Variants in PPL observed in about 807,000 individuals in gnomAD.
The protein encoded by PPL is 190 kDa paraneoplastic pemphigus antigen.
PPL carries 198 observed loss-of-function variants against 194.4 expected under a neutral mutation model. The observed-to-expected ratio is 1.02, with a 90% CI of 0.91 to 1.15. The LOEUF is 1.15. Ranked by LOEUF, PPL falls within the 50% of genes most tolerant of loss-of-function variation. The pLI is 0.00. For synonymous variants in PPL, 1,220 were observed against 972.4 expected, an observed-to-expected ratio of 1.25 and a Z score of -4.74; for missense variants, 2,885 against 2,294.8, an observed-to-expected ratio of 1.26 and a Z score of -5.25.
At position 4,885,687 on chromosome 16, in the gene PPL, GC is replaced by G. The variant is rs762995701; in HGVS notation, c.2967del (p.Gln990ArgfsTer31). 1 of 1,613,354 alleles carries G rather than the reference GC, an allele frequency of 6.2e-7. No individual in the cohort carries two copies. Among genetic ancestry groups the G allele is most frequent in the East Asian group, 2.2e-5 (1 of 44,800 alleles). On this transcript the variant is annotated frameshift_variant, in exon 22 of 22. Transcript: ENST00000345988. LOFTEE classifies it high-confidence loss of function. The surrounding 1 kb of genome is among the most constrained non-coding windows in gnomAD (Gnocchi z 6.3). ...AGGACCTCCTTGACCACGTACTCCTGCCCCCCGTCTCTGGTCTCCTGCTCCA... is the reference window on the plus strand; with the variant it reads ...AGGACCTCCTTGACCACGTACTCCTGCCCCCGTCTCTGGTCTCCTGCTCCA... ...RALEQETRDG[G>X]QEYVVKEVLR...
chr16:4,902,350 G>C lies in PPL; in HGVS notation c.438+56C>G. On this transcript the variant is annotated intron_variant, in intron 4 of 21. Transcript: ENST00000345988. This position sits in a 1 kb window ranked among gnomAD's most constrained non-coding sequence, Gnocchi z 4.0. ...ACATGGGTAGGCTCTCCCTGCACAC[G>C]CACAGCCCCCTCCCCAGCTGAAACC... is the stretch of plus-strand genomic sequence containing the variant. 6.2e-7 allele frequency: 1 copy of C among 1,603,492 alleles called. No homozygotes were observed. The highest frequency in any genetic ancestry group is 8.5e-7 in the Non-Finnish European group (1 of 1,174,546).
Position 4,888,260 on chromosome 16 carries a change from C to T in PPL, c.2398-42G>A, listed in dbSNP as rs770713238. ...CATGGCAGAGGGGAGATTAAAACAG[C>T]TGAGAAGAGACAGACATGTTCCTGT... On this transcript the variant is annotated intron_variant, in intron 19 of 21. Coordinates refer to ENST00000345988, the MANE Select transcript of PPL (RefSeq NM_002705.5). 8 of 1,399,492 alleles carry T rather than the reference C, an allele frequency of 5.7e-6. No homozygotes were observed. The Admixed American group carries it at 1.2e-4, about 21-fold the overall frequency. The allele number at this position is 1,399,492 out of a possible 1,614,324, so 86.7% of individuals were successfully genotyped here.
chr16:4,933,575 C>A lies in PPL; in HGVS notation c.62+3409G>T, dbSNP rs557754148. Among the ~76,000 whole-genome samples the A allele has an allele frequency of 3.1e-3, 474 of 152,320 alleles. 2 individuals carry two copies. The highest frequency in any genetic ancestry group is 5.0e-3 in the Non-Finnish European group (343 of 68,026). ...AGCATCTGTGCTCTGACTGTGACAA[C>A]TCTCACTTGAGGCCTGTCACAAAGT... On this transcript the variant is annotated intron_variant, in intron 1 of 21. Transcript: ENST00000345988.
intron 1 of PPL, among the ~76,000 whole-genome samples, chr16:4,930,378 TCAGGCCTCGCACTCCTTTCCACTAG>T (rs1180492018): frequency 6.6e-6 from 1 of 152,176 alleles, no homozygotes; most frequent in East Asian, 1.9e-4. Flanking sequence ...GGCAGCCTGC[TCAGGCCTCGCACTCCTTTCCACTAG>T]CTGGAACCCC....
Position 4,889,071 on chromosome 16 carries a change from AG to A in PPL, c.2314-11del, listed in dbSNP as rs777989609. On this transcript the variant is annotated splice_polypyrimidine_tract_variant and intron_variant, in intron 18 of 21. Coordinates refer to ENST00000345988, the MANE Select transcript of PPL (RefSeq NM_002705.5). ...TCTCATCTAGCAGGTTCTGTAAGAC[AG>A]AGTTTAAAAATCAAAACTAACCAGA... is the stretch of plus-strand genomic sequence containing the variant. The A allele has an allele frequency of 6.2e-7, 1 of 1,612,614 alleles. No homozygotes were observed. The highest frequency in any genetic ancestry group is 8.5e-7 in the Non-Finnish European group (1 of 1,179,022).
intron 2 of PPL, among the ~76,000 whole-genome samples, chr16:4,909,111 G>A (rs1012298540): frequency 2.6e-5 from 4 of 152,038 alleles, no homozygotes; most frequent in Non-Finnish European, 4.4e-5. Flanking sequence ...GCATGGAGGC[G>A]GGGGCCCCAG....
In PPL at chr16:4,892,145, G is replaced by A. The variant is rs778557169; in HGVS notation, c.1719C>T (p.Phe573=). 1 of 1,613,836 alleles carries A rather than the reference G, an allele frequency of 6.2e-7. No homozygotes were observed. The highest frequency in any genetic ancestry group is 1.7e-5 in the Admixed American group (1 of 60,030). The part of the protein sequence containing the change: ...KTRSTAEGEA[F]IQALPGSGTT... ...TGCCACTGCCTGGGAGGGCCTGGAT[G>A]AAGGCTTCGCCCTCAGCCGTGCTCC... is the stretch of plus-strand genomic sequence containing the variant. The change falls in exon 15 of 22, where the codon TTC becomes TTT. Residue 573 remains phenylalanine, a synonymous_variant. Coordinates refer to ENST00000345988, the MANE Select transcript of PPL (RefSeq NM_002705.5).
rs975438684 is a variant in PPL at position 4,901,063 on chromosome 16, C to T, written c.465G>A (p.Gly155=). Residue 155 remains glycine, a synonymous_variant, in exon 5 of 22, where the codon GGG becomes GGA. Transcript: ENST00000345988. The stretch of plus-strand genomic sequence containing the variant: ...GGTGGTCCACCAGCGGCAGGTCAGT[C>T]CCAAAGCTCTGGTTGTTCAGCTTGT... ...KLDKLNNQSF[G]TDLPLVDHQV... 1.9e-6 allele frequency: 3 copies of T among 1,614,172 alleles called. No individual in the cohort carries two copies. The highest frequency in any genetic ancestry group is 1.3e-5 in the African/African-American group (1 of 75,044).
rs201178779 is a variant in PPL, at chr16:4,884,081, T to A, written c.4574A>T (p.Glu1525Val). 3 of 1,612,848 alleles carry A rather than the reference T, an allele frequency of 1.9e-6. No individual in the cohort carries two copies. The African/African-American group carries it at 4.0e-5, about 22-fold the overall frequency. ...CAGCTCGCGCTTGCTGCGGCTCTCC[T>A]CCTCCAGGCTGCTCTTGAGCCTCTG... ...EIQRLKSSLE[E>V]ESRSKRELDV... is the part of the protein sequence containing the mutation. Residue 1525 changes from glutamate (E) to valine (V), a missense_variant, in exon 22 of 22, where the codon GAG (glutamate) becomes GTG (valine). Physicochemically the swap from Glu to Val is moderately radical, Grantham distance 121 (BLOSUM62 -2). Coordinates refer to ENST00000345988, the MANE Select transcript of PPL (RefSeq NM_002705.5). The surrounding 1 kb of genome is among the most constrained non-coding windows in gnomAD (Gnocchi z 5.7).
intron 1 of PPL, among the ~76,000 whole-genome samples, chr16:4,915,883 A>T (rs1353519839): frequency 6.6e-6 from 1 of 152,168 alleles, no homozygotes; most frequent in African/African-American, 2.4e-5. Flanking sequence ...CAGCAATTAG[A>T]TGGCAGAGCC....
intron 1 of PPL, among the ~76,000 whole-genome samples, chr16:4,935,323 G>A (rs571385774): frequency 4.1e-4 from 63 of 152,316 alleles, no homozygotes; most frequent in African/African-American, 1.3e-3. Flanking sequence ...AGGAGGCAGA[G>A]GGCGGGGCGA....
chr16:4,924,455 G>C (rs994625823), intron 1 of PPL, among the ~76,000 whole-genome samples: 7 of 152,176 alleles, frequency 4.6e-5, no homozygotes, highest in African/African-American at 1.7e-4. Context: ...CAGTCTCTCA[G>C]TTCTGCTGTA....
At chr16:4,896,125 G>C (rs1329044458) in intron 9 of PPL, among the ~76,000 whole-genome samples, 1 of 152,116 alleles carries the variant, frequency 6.6e-6, no homozygotes, top group African/African-American at 2.4e-5. Context: ...CCATTCTTCA[G>C]TCTATCAACT....
At chr16:4,897,636 A>AC in intron 9 of PPL, 39 bp downstream of exon 9, 1 of 1,521,636 alleles carries the variant, frequency 6.6e-7, no homozygotes, top group Non-Finnish European at 9.1e-7. Context: ...AGAGAGTAGC[A>AC]CCCCCGGTGC....
At position 4,891,810 on chromosome 16, in the gene PPL, C is replaced by G. The variant is rs757073310; in HGVS notation, c.1968+1G>C. 8.1e-6 allele frequency: 13 copies of G among 1,607,954 alleles called. No homozygotes were observed. Among genetic ancestry groups the G allele is most frequent in the Non-Finnish European group, 1.1e-5 (13 of 1,177,550 alleles). ...TCCCAGGACTTGGGCCCTAGACTCA[C>G]CGCCAGCTCCTGCCCCTTGCTGTCC... On this transcript the variant is annotated splice_donor_variant, in intron 16 of 21. Coordinates refer to ENST00000345988, the MANE Select transcript of PPL (RefSeq NM_002705.5). LOFTEE classifies it high-confidence loss of function.
At position 4,910,913 on chromosome 16, in the gene PPL, C is replaced by T. The variant is rs1286596744; in HGVS notation, c.99G>A (p.Gln33=). 1 of 1,613,688 alleles carries T rather than the reference C, an allele frequency of 6.2e-7. No homozygotes were observed. The highest frequency in any genetic ancestry group is 1.7e-4 in the Middle Eastern group (1 of 6,050). ...SNKELSELIE[Q]LQKNADQVEK... Reference sequence around the variant, plus strand: ...CCACCTGGTCGGCATTCTTCTGCAGCTGCTCGATCAGCTCCGAGAGCTCCT... The same window carrying T: ...CCACCTGGTCGGCATTCTTCTGCAGTTGCTCGATCAGCTCCGAGAGCTCCT... The change falls in exon 2 of 22, where the codon CAG becomes CAA. Residue 33 remains glutamine (Q), a synonymous_variant. Transcript: ENST00000345988.
At chr16:4,889,678 C>G (rs1350788062) in intron 18 of PPL, among the ~76,000 whole-genome samples, 1 of 152,152 alleles carries the variant, frequency 6.6e-6, no homozygotes, top group South Asian at 2.1e-4. Context: ...TAGATTATCT[C>G]ATTTAATCTT....
chr16:4,921,338 C>T (rs1228567602), intron 1 of PPL, among the ~76,000 whole-genome samples: 1 of 152,216 alleles, frequency 6.6e-6, no homozygotes, highest in Non-Finnish European at 1.5e-5. Flanking sequence ...CCTGAACAGC[C>T]ATCTTCTTGT....
At chr16:4,915,340 G>A (rs1199705869) in intron 1 of PPL, among the ~76,000 whole-genome samples, 2 of 152,226 alleles carry the variant, frequency 1.3e-5, no homozygotes, top group Non-Finnish European at 2.9e-5. Flanking sequence ...GACAGCCTCA[G>A]GCAAGTGCCC....
Sources: gnomAD v4.1 joint callset for allele counts (sites outside exome capture counted in the v4.1 genomes callset) on GRCh38, gnomAD v4.1.1 for gene constraint, Gnocchi (gnomAD v3.1) non-coding constraint, MANE v1.5 for transcripts, NCBI Gene and HGNC (gene_info 2026-07-23, HGNC 2026-07-21) for gene names.